The following ICA1 variants were observed in gnomAD, a reference collection of about 807,000 sequenced individuals.
The protein encoded by ICA1 is 69 kDa islet cell autoantigen.
ICA1 carries 40 observed loss-of-function variants against 71.0 expected under a neutral mutation model. The observed-to-expected ratio is 0.56, with a 90% CI of 0.44 to 0.73. The LOEUF (loss-of-function observed/expected upper bound fraction) is 0.73, where lower values mean the gene tolerates loss of function less well. ICA1 is among the 30% of genes least tolerant of loss of function. The pLI is 0.00. For missense variants in ICA1, 578 were observed against 576.5 expected, an observed-to-expected ratio of 1.00 and a Z score of -0.03; for synonymous variants, 207 against 209.5, an observed-to-expected ratio of 0.99 and a Z score of 0.10.
At chr7:8,141,010 T>G (rs555165972) in intron 10 of ICA1, among the ~76,000 whole-genome samples, 1 of 152,222 alleles carries the variant, frequency 6.6e-6, no homozygotes, top group African/African-American at 2.4e-5. Context: ...TTGGGGTAAT[T>G]TTAGTTCTCT....
intron 13 of ICA1, chr7:8,116,423 A>C (rs1784818831): frequency 6.6e-6 from 1 of 152,214 alleles, no homozygotes; most frequent in African/African-American, 2.4e-5. Flanking sequence ...TAAAAATAAG[A>C]CATTTCTCCC....
At chr7:8,146,287 A>G (rs916068110) in intron 8 of ICA1, among the ~76,000 whole-genome samples, 3 of 152,184 alleles carry the variant, frequency 2.0e-5, no homozygotes, top group African/African-American at 7.2e-5. Flanking sequence ...GCTAAATGAC[A>G]AGAAGGAGCC....
At chr7:8,206,658 C>G (rs1791644682) in intron 6 of ICA1, among the ~76,000 whole-genome samples, 1 of 151,510 alleles carries the variant, frequency 6.6e-6, no homozygotes, top group South Asian at 2.1e-4. Context: ...ATCTCATCCC[C>G]CAACTTGCTT....
chr7:8,165,082 AAAAC>A (rs750952749), intron 6 of ICA1, among the ~76,000 whole-genome samples: 4 of 152,142 alleles, frequency 2.6e-5, no homozygotes, highest in Admixed American at 6.5e-5. Context: ...CCCTGTCTCA[AAAAC>A]AAACAAACAA....
chr7:8,129,507 C>T (rs185283181), intron 12 of ICA1, among the ~76,000 whole-genome samples: 8 of 152,210 alleles, frequency 5.3e-5, no homozygotes, highest in Admixed American at 3.9e-4. Context: ...GGGGAAGAAT[C>T]TAGTCACTCT....
chr7:8,152,498 C>T (rs1271367913), intron 8 of ICA1, among the ~76,000 whole-genome samples: 1 of 151,310 alleles, frequency 6.6e-6, no homozygotes, highest in Non-Finnish European at 1.5e-5. Flanking sequence ...TACCGTCACC[C>T]TTACCACCAC....
intron 8 of ICA1, among the ~76,000 whole-genome samples, chr7:8,146,909 C>T (rs956346520): frequency 3.3e-5 from 5 of 150,004 alleles, no homozygotes; most frequent in Admixed American, 3.3e-4. Context: ...CACACACACT[C>T]GCCTTTCGGT....
intron 12 of ICA1, among the ~76,000 whole-genome samples, chr7:8,136,073 A>G (rs1038548289): frequency 6.6e-6 from 1 of 152,138 alleles, no homozygotes; most frequent in African/African-American, 2.4e-5. Context: ...AGTTTTATAA[A>G]CTGTGGTCAA....
intron 1 of ICA1, among the ~76,000 whole-genome samples, chr7:8,255,749 T>C (rs1007224335): frequency 6.6e-6 from 1 of 151,680 alleles, no homozygotes; most frequent in African/African-American, 2.4e-5. Context: ...ATGTACTGAA[T>C]GGCCTAAGTT....
intron 1 of ICA1, among the ~76,000 whole-genome samples, chr7:8,260,020 C>T (rs921467408): frequency 2.6e-5 from 4 of 151,980 alleles, no homozygotes; most frequent in Admixed American, 6.5e-5. Flanking sequence ...TAGTGACCAG[C>T]GTGCTGATTA....
chr7:8,232,442 T>C (rs1192687537), intron 3 of ICA1, 148 bp downstream of exon 3: 1 of 558,560 alleles, frequency 1.8e-6, no homozygotes, highest in East Asian at 3.4e-5. Context: ...CAGGTTTTAA[T>C]AAATATGCTG....
At chr7:8,257,347 C>T (rs996100326) in intron 1 of ICA1, among the ~76,000 whole-genome samples, 3 of 152,142 alleles carry the variant, frequency 2.0e-5, no homozygotes, top group Non-Finnish European at 4.4e-5. Flanking sequence ...GTTTCAGAAA[C>T]TGATGTCTAT....
intron 12 of ICA1, among the ~76,000 whole-genome samples, chr7:8,137,221 C>T (rs774761814): frequency 5.1e-4 from 78 of 151,836 alleles, no homozygotes; most frequent in Non-Finnish European, 7.4e-4. Flanking sequence ...TATTATAAGT[C>T]GGCTTTTGTC....
At chr7:8,171,521 CTTTT>C (rs903430286) in intron 6 of ICA1, among the ~76,000 whole-genome samples, 3 of 151,810 alleles carry the variant, frequency 2.0e-5, no homozygotes, top group East Asian at 1.9e-4. Flanking sequence ...TGTCTTCTTT[CTTTT>C]GTTTCTGACC....
rs1206716300 is a variant in ICA1 at position 8,113,762 on chromosome 7, G to C, written c.*161C>G. The C allele has an allele frequency of 1.4e-6, 1 of 692,336 alleles. No individual in the cohort carries two copies. The highest frequency in any genetic ancestry group is 1.8e-5 in the African/African-American group (1 of 55,640). The allele number at this position is 692,336 out of a possible 1,614,324, so 42.9% of individuals were successfully genotyped here. ...CACGAAAACCCTTTATACCAAATAA[G>C]AGTAAATAATTATACCAATATAAAC... On this transcript the variant is annotated 3_prime_UTR_variant, in exon 14 of 14. Transcript: ENST00000402384. This position sits in a 1 kb window ranked among gnomAD's most constrained non-coding sequence, Gnocchi z 4.2.
chr7:8,193,716 T>C (rs1210298582), intron 6 of ICA1, among the ~76,000 whole-genome samples: 1 of 152,186 alleles, frequency 6.6e-6, no homozygotes, highest in Non-Finnish European at 1.5e-5. Flanking sequence ...AAAAAAACTG[T>C]CTTTTGTTCC....
rs528299536 is a variant in ICA1 at position 8,141,597 on chromosome 7, T to A, written c.955+168A>T. ...TCTCAGTAATGCTGTAGGGTTGACA[T>A]GGTGGATATCTGAACATTTAGAACT... On this transcript the variant is annotated intron_variant, in intron 10 of 13. Coordinates refer to ENST00000402384, the MANE Select transcript of ICA1 (RefSeq NM_001136020.3). 5.3e-4 allele frequency among the ~76,000 whole-genome samples: 81 copies of A among 152,310 alleles called. No homozygotes were observed. The Middle Eastern group carries it at 0.014, about 26-fold the overall frequency.
At position 8,226,257 on chromosome 7, in the gene ICA1, C is replaced by T. The variant is rs893090002; in HGVS notation, c.256+2344G>A. Among the ~76,000 whole-genome samples the T allele has an allele frequency of 2.0e-5, 3 of 152,138 alleles. No individual in the cohort carries two copies. The highest frequency in any genetic ancestry group is 2.1e-4 in the South Asian group (1 of 4,828). ...CCTCCTCTCCAACCCTTCCCCACTC[C>T]TCATCCACCACTGGTATCCAGTCTC... On this transcript the variant is annotated intron_variant, in intron 4 of 13. Coordinates refer to ENST00000402384, the MANE Select transcript of ICA1 (RefSeq NM_001136020.3). The surrounding 1 kb of genome is among the most constrained non-coding windows in gnomAD (Gnocchi z 4.4).
chr7:8,151,269 T>C (rs1201257241), intron 8 of ICA1, among the ~76,000 whole-genome samples: 1 of 152,184 alleles, frequency 6.6e-6, no homozygotes. Context: ...AGAAGCAACA[T>C]GCCATTGTGA....
Sources: allele counts gnomAD v4.1 joint callset (sites outside exome capture counted in the v4.1 genomes callset), GRCh38; gene constraint gnomAD v4.1.1; non-coding constraint Gnocchi (gnomAD v3.1); transcripts MANE v1.5; gene names NCBI Gene and HGNC (gene_info 2026-07-23, HGNC 2026-07-21).